The following HEMK2 variants were observed in gnomAD, a reference collection of about 807,000 sequenced individuals.
The protein encoded by HEMK2 is methyltransferase HEMK2.
chr21:28,766,756 C>A, the HEMK2 span, among the ~76,000 whole-genome samples: 1 of 151,934 alleles, frequency 6.6e-6, no homozygotes, highest in Non-Finnish European at 1.5e-5. Context: ...AAATAGAAAA[C>A]AAAATATTGT....
chr21:28,634,576 CTG>C, the HEMK2 span, among the ~76,000 whole-genome samples: 1 of 152,252 alleles, frequency 6.6e-6, no homozygotes, highest in South Asian at 2.1e-4. Context: ...GGTCAACTAC[CTG>C]TGTATTCTTG....
the HEMK2 span, among the ~76,000 whole-genome samples, chr21:28,718,393 T>C: frequency 6.6e-6 from 1 of 152,230 alleles, no homozygotes; most frequent in Non-Finnish European, 1.5e-5. Context: ...GAATGTATAT[T>C]CTGTGGCTAT....
At chr21:28,691,771 C>A in the HEMK2 span, among the ~76,000 whole-genome samples, 3 of 152,292 alleles carry the variant, frequency 2.0e-5, no homozygotes, top group East Asian at 5.8e-4. Flanking sequence ...TTGGACCCAG[C>A]ATAGAATCAA....
At chr21:28,606,110 A>G in the HEMK2 span, among the ~76,000 whole-genome samples, 6 of 152,220 alleles carry the variant, frequency 3.9e-5, no homozygotes, top group Admixed American at 1.3e-4. Flanking sequence ...GGAATATCCA[A>G]AAATTCACAA....
chr21:28,831,722 G>GAAAGAAA, the HEMK2 span, among the ~76,000 whole-genome samples: 21 of 49,758 alleles, frequency 4.2e-4, no homozygotes, highest in South Asian at 1.6e-3. Context: ...AAGGAAGGAA[G>GAAAGAAA]GAAGGAAGGA....
chr21:28,761,114 T>C, the HEMK2 span, among the ~76,000 whole-genome samples: 1 of 152,164 alleles, frequency 6.6e-6, no homozygotes, highest in South Asian at 2.1e-4. Context: ...AAAAATGTGA[T>C]GTTCAACAAA....
At chr21:28,707,148 T>C in the HEMK2 span, among the ~76,000 whole-genome samples, 2 of 152,238 alleles carry the variant, frequency 1.3e-5, no homozygotes, top group Non-Finnish European at 2.9e-5. Flanking sequence ...AAATATTTAT[T>C]AGTTTTAAAA....
chr21:28,753,134 A>C, the HEMK2 span, among the ~76,000 whole-genome samples: 63 of 152,206 alleles, frequency 4.1e-4, no homozygotes, highest in Non-Finnish European at 7.9e-4. Context: ...AGATGGGTGA[A>C]GCACTTAAGG....
At chr21:28,613,934 C>T in the HEMK2 span, among the ~76,000 whole-genome samples, 2 of 31,730 alleles carry the variant, frequency 6.3e-5, no homozygotes, top group Admixed American at 8.5e-4. Context: ...AAAAGATACC[C>T]ATGACTTTCT....
chr21:28,720,550 T>C, the HEMK2 span, among the ~76,000 whole-genome samples: 2,230 of 152,204 alleles, frequency 0.015, 53 homozygotes, highest in African/African-American at 0.051. Flanking sequence ...TTGGCCAACA[T>C]AGCAAAACCC....
the HEMK2 span, among the ~76,000 whole-genome samples, chr21:28,621,853 G>C: frequency 6.6e-6 from 1 of 152,192 alleles, no homozygotes; most frequent in African/African-American, 2.4e-5. Flanking sequence ...ATGTATATGT[G>C]CAGGTCACTG....
At chr21:28,735,360 CTTGG>C in the HEMK2 span, among the ~76,000 whole-genome samples, 4 of 152,078 alleles carry the variant, frequency 2.6e-5, no homozygotes, top group Admixed American at 1.3e-4. Flanking sequence ...CAATCCCATT[CTTGG>C]TGTCAGCAGA....
At chr21:28,680,403 T>C in the HEMK2 span, among the ~76,000 whole-genome samples, 1 of 152,114 alleles carries the variant, frequency 6.6e-6, no homozygotes, top group African/African-American at 2.4e-5. Context: ...ATTGAGGCAA[T>C]AATTAATAGT....
chr21:28,713,903 T>C, the HEMK2 span, among the ~76,000 whole-genome samples: 9 of 152,244 alleles, frequency 5.9e-5, no homozygotes, highest in Admixed American at 1.3e-4. Flanking sequence ...ATGCATTCTA[T>C]GCACATTATA....
At chr21:28,809,740 T>C in the HEMK2 span, among the ~76,000 whole-genome samples, 5 of 152,302 alleles carry the variant, frequency 3.3e-5, no homozygotes, top group East Asian at 9.6e-4. Context: ...TGAATTCTAA[T>C]GCTTTTTAAA....
At chr21:28,839,094 C>G in the HEMK2 span, among the ~76,000 whole-genome samples, 1 of 144,606 alleles carries the variant, frequency 6.9e-6, no homozygotes, top group Non-Finnish European at 1.5e-5. Context: ...TGTGATACAA[C>G]AGATAAACAG....
chr21:28,808,718 T>A, the HEMK2 span, among the ~76,000 whole-genome samples: 2 of 152,178 alleles, frequency 1.3e-5, no homozygotes, highest in Non-Finnish European at 2.9e-5. Context: ...ATTAACCTTG[T>A]ATACCGTGAT....
the HEMK2 span, among the ~76,000 whole-genome samples, chr21:28,789,499 GATAAA>G: frequency 1.3e-5 from 2 of 152,202 alleles, no homozygotes; most frequent in East Asian, 3.8e-4. Context: ...TTTCTTAAAA[GATAAA>G]ATAAAATCAT....
chr21:28,764,914 G>T, the HEMK2 span, among the ~76,000 whole-genome samples: 1 of 151,940 alleles, frequency 6.6e-6, no homozygotes, highest in East Asian at 1.9e-4. Context: ...ACTATAAATT[G>T]TCCCCTTGAC....
Sources: allele counts gnomAD v4.1 joint callset (sites outside exome capture counted in the v4.1 genomes callset), GRCh38; gene constraint gnomAD v4.1.1; transcripts MANE v1.5; gene names NCBI Gene and HGNC (gene_info 2026-07-23, HGNC 2026-07-21).